The following C2CD3 variants were observed in gnomAD, a reference collection of about 807,000 sequenced individuals.
C2CD3 encodes C2 domain-containing protein 3.
A neutral mutation model predicts 234.0 loss-of-function variants in C2CD3; 148 were observed. The ratio of observed to expected loss-of-function variants is 0.63; its 90% confidence interval spans 0.55 to 0.72. C2CD3 has a LOEUF of 0.72. Ranked by LOEUF, C2CD3 falls within the 30% of genes least tolerant of loss-of-function variation. C2CD3 has a pLI of 0.00. For synonymous variants in C2CD3, 1,000 were observed against 1,035.4 expected (o/e 0.97, Z 0.66); for missense variants, 2,577 against 2,811.5 (o/e 0.92, Z 1.89).
At chr11:74,091,127 A>G (rs1955878323) in intron 19 of C2CD3, among the ~76,000 whole-genome samples, 191 bp from the exon 20 acceptor site, 1 of 152,214 alleles carries the variant, frequency 6.6e-6, no homozygotes, top group Non-Finnish European at 1.5e-5. Context: ...CAGGTTACTA[A>G]TTTACTTTAC....
intron 9 of C2CD3, among the ~76,000 whole-genome samples, chr11:74,115,909 A>AT (rs1353544539): frequency 6.6e-6 from 1 of 152,210 alleles, no homozygotes; most frequent in East Asian, 1.9e-4. Flanking sequence ...TGCTGGGACA[A>AT]TTGGCAAGCC....
chr11:74,168,341 T>G lies in C2CD3; in HGVS notation c.325+3A>C. 1 of 1,611,144 alleles carries G rather than the reference T, an allele frequency of 6.2e-7. No homozygotes were observed. The highest frequency in any genetic ancestry group is 8.5e-7 in the Non-Finnish European group (1 of 1,177,262). On this transcript the variant is annotated splice_donor_region_variant and intron_variant, in intron 2 of 32. Coordinates refer to ENST00000334126, the MANE Select transcript of C2CD3 (RefSeq NM_001286577.2). ...CAGGTGCAATGATAAAACAATAACA[T>G]ACCTGTTAGATAAGAGGTAAACTGT...
intron 12 of C2CD3, chr11:74,107,848 T>C (rs1956583471): frequency 6.6e-6 from 1 of 151,980 alleles, no homozygotes; most frequent in Non-Finnish European, 1.5e-5. Context: ...AAAACTCTTT[T>C]ATAATTAGAA....
Position 74,078,182 on chromosome 11 carries a change from CCA to C in C2CD3, c.4534_4535del (p.Trp1512AspfsTer54). On this transcript the variant is annotated frameshift_variant, in exon 23 of 33. Coordinates refer to ENST00000334126, the MANE Select transcript of C2CD3 (RefSeq NM_001286577.2). LOFTEE classifies it high-confidence loss of function. ...CCAGGTCCACATAGGCTGAGCCAATCCAGCTGTCTGTCTGATGGGGTCTCTCC... is the reference window on the plus strand; with the variant it reads ...CCAGGTCCACATAGGCTGAGCCAATCGCTGTCTGTCTGATGGGGTCTCTCC... ...SVERPHQTDS[W>X]IGSAYVDLAR... 1 of 1,614,054 alleles carries C rather than the reference CCA, an allele frequency of 6.2e-7. No homozygotes were observed. Among genetic ancestry groups the C allele is most frequent in the Non-Finnish European group, 8.5e-7 (1 of 1,180,010 alleles).
intron 2 of C2CD3, among the ~76,000 whole-genome samples, chr11:74,167,133 G>T (rs1366511917): frequency 6.6e-6 from 1 of 152,184 alleles, no homozygotes; most frequent in African/African-American, 2.4e-5. Context: ...CATGTAGTTG[G>T]TAACACCAAT....
At chr11:74,137,875 C>T (rs960359868) in intron 5 of C2CD3, among the ~76,000 whole-genome samples, 5 of 152,256 alleles carry the variant, frequency 3.3e-5, no homozygotes, top group East Asian at 3.9e-4. Context: ...CGTGAGCCAC[C>T]GTGCCCGGCC....
At position 74,095,228 on chromosome 11, in the gene C2CD3, C is replaced by T. The variant is rs1164065565; in HGVS notation, c.3160G>A (p.Gly1054Arg). The T allele has an allele frequency of 6.2e-7, 1 of 1,605,326 alleles. No individual in the cohort carries two copies. The highest frequency in any genetic ancestry group is 2.2e-5 in the East Asian group (1 of 44,654). ...AAGAAAGCCTAATATCTAAACCTAC[C>T]ATTTTCAAGGAACTCAGGTCCTTTC... is the stretch of plus-strand genomic sequence containing the variant. ...VLKGPEFLEN[G>R]ITLKPFRTAT... The change falls in exon 17 of 33, where the codon GGA becomes AGA. Residue 1054 changes from glycine (G) to arginine (R), a missense_variant and splice_region_variant. Coordinates refer to ENST00000334126, the MANE Select transcript of C2CD3 (RefSeq NM_001286577.2).
At chr11:74,134,060 A>T (rs1224901538) in intron 5 of C2CD3, among the ~76,000 whole-genome samples, 1 of 152,174 alleles carries the variant, frequency 6.6e-6, no homozygotes, top group African/African-American at 2.4e-5. Flanking sequence ...CCACAACAAT[A>T]GCAGCAACAC....
chr11:74,146,778 C>T (rs991220486), intron 3 of C2CD3, among the ~76,000 whole-genome samples: 2 of 142,824 alleles, frequency 1.4e-5, no homozygotes, highest in Middle Eastern at 3.6e-3. Flanking sequence ...TCCTGCCAGG[C>T]GCGGTGGCTC....
At chr11:74,046,745 T>C (rs1047400545) in intron 28 of C2CD3, among the ~76,000 whole-genome samples, 3 of 152,230 alleles carry the variant, frequency 2.0e-5, no homozygotes, top group African/African-American at 7.2e-5. Flanking sequence ...TATTTCATTG[T>C]ATGGATATAC....
In C2CD3 at chr11:74,133,305, C is replaced by A. The variant is rs1957741229; in HGVS notation, c.1088+120G>T. 5 of 891,528 alleles carry A rather than the reference C, an allele frequency of 5.6e-6. No homozygotes were observed. In the South Asian group the frequency reaches 6.5e-5, roughly 12 times the overall value. The allele number at this position is 891,528 out of a possible 1,614,324, so 55.2% of individuals were successfully genotyped here. Reference sequence around the variant, plus strand: ...CTCCTAGTGTAGGCTTCTTTCCCACCACATCAGGAATTATTTGATAAGCAT... The same window carrying A: ...CTCCTAGTGTAGGCTTCTTTCCCACAACATCAGGAATTATTTGATAAGCAT... On this transcript the variant is annotated intron_variant, in intron 6 of 32. Coordinates refer to ENST00000334126, the MANE Select transcript of C2CD3 (RefSeq NM_001286577.2).
chr11:74,054,875 T>C (rs1410221795), intron 25 of C2CD3, among the ~76,000 whole-genome samples: 1 of 152,202 alleles, frequency 6.6e-6, no homozygotes, highest in African/African-American at 2.4e-5. Flanking sequence ...TTGCCAAGAC[T>C]TGAAAACAGG....
At chr11:74,015,954 G>A (rs1190495292) in intron 32 of C2CD3, among the ~76,000 whole-genome samples, 1 of 151,824 alleles carries the variant, frequency 6.6e-6, no homozygotes, top group African/African-American at 2.4e-5. Flanking sequence ...GTGCACACCT[G>A]TGGTCCCAGC....
At chr11:74,038,847 G>A (rs559628564) in intron 29 of C2CD3, among the ~76,000 whole-genome samples, 33 of 152,274 alleles carry the variant, frequency 2.2e-4, no homozygotes, top group Admixed American at 1.1e-3. Context: ...GGCCATGGGC[G>A]TCTCAGAATA....
rs1399213853 is a variant in C2CD3 at position 74,138,711 on chromosome 11, C to G, written c.955+9G>C. On this transcript the variant is annotated intron_variant, in intron 5 of 32. Transcript: ENST00000334126. ...TTTAGTCTGACTCAGTTCACAAATA[C>G]ATACATACCTGAAAGAAGATCCTTG... 18 of 1,609,308 alleles carry G rather than the reference C, an allele frequency of 1.1e-5. No homozygotes were observed. Among genetic ancestry groups the G allele is most frequent in the Non-Finnish European group, 1.5e-5 (18 of 1,176,006 alleles).
In C2CD3 at chr11:74,032,838, T is replaced by A. The variant is rs538680265; in HGVS notation, c.6809+513A>T. On this transcript the variant is annotated intron_variant, in intron 31 of 32. Transcript: ENST00000334126. ...TATGGTAATAACCTTGTACTCCAGCTTGGGTGACAGAATAACCTGTCTCTT... is the reference window on the plus strand; with the variant it reads ...TATGGTAATAACCTTGTACTCCAGCATGGGTGACAGAATAACCTGTCTCTT... Among the ~76,000 whole-genome samples the A allele has an allele frequency of 6.3e-4, 95 of 151,676 alleles. 2 individuals are homozygous for A. The highest frequency in any genetic ancestry group is 4.2e-4 in the South Asian group (2 of 4,762).
rs1471491211 is a variant in C2CD3, at chr11:74,013,171, G to A, written c.*214C>T. The stretch of plus-strand genomic sequence containing the variant: ...AGCCTTTGCCTCACCACAGAAAAAA[G>A]GAGCTGAAATTCTGGCAAGTGGACA... On this transcript the variant is annotated 3_prime_UTR_variant, in exon 33 of 33. Transcript: ENST00000334126. 3 of 346,734 alleles carry A rather than the reference G, an allele frequency of 8.7e-6. No individual in the cohort carries two copies. In the Admixed American group the frequency reaches 1.4e-4, roughly 17 times the overall value. 21.5% of individuals were successfully genotyped at this position (346,734 alleles called of 1,614,324 possible).
At chr11:74,098,370 G>T in intron 15 of C2CD3, 115 bp from the exon 16 acceptor site, 1 of 1,069,026 alleles carries the variant, frequency 9.4e-7, no homozygotes. Context: ...AACTGGAAAA[G>T]TAATAGTGGT....
At chr11:74,138,137 G>T (rs1410051671) in intron 5 of C2CD3, among the ~76,000 whole-genome samples, 1 of 152,212 alleles carries the variant, frequency 6.6e-6, no homozygotes, top group African/African-American at 2.4e-5. Flanking sequence ...TAAGTCAACT[G>T]CTTTTATTAT....
Sources: gnomAD v4.1 joint callset for allele counts (sites outside exome capture counted in the v4.1 genomes callset) on GRCh38, gnomAD v4.1.1 for gene constraint, MANE v1.5 for transcripts, NCBI Gene and HGNC (gene_info 2026-07-23, HGNC 2026-07-21) for gene names.